The following ARHGAP26 variants were observed in gnomAD, a reference collection of about 807,000 sequenced individuals.
The protein encoded by ARHGAP26 is Rho GTPase activating protein 26.
Under a neutral mutation model 104.8 loss-of-function variants are expected in ARHGAP26, and 38 were observed. That is an observed-to-expected ratio of 0.36 (90% CI 0.28 to 0.48). The LOEUF is 0.48. ARHGAP26 is among the 20% of genes least tolerant of loss of function. ARHGAP26 has a pLI of 0.99. For synonymous variants in ARHGAP26, 341 were observed against 340.0 expected, an observed-to-expected ratio of 1.00 and a Z score of -0.03; for missense variants, 704 against 947.9, an observed-to-expected ratio of 0.74 and a Z score of 3.38.
At chr5:143,015,337 A>G (rs1779438614) in intron 12 of ARHGAP26, among the ~76,000 whole-genome samples, 1 of 152,262 alleles carries the variant, frequency 6.6e-6, no homozygotes, top group South Asian at 2.1e-4. Context: ...GCTGTATGGT[A>G]GCTCATAGTA....
chr5:142,920,856 C>T (rs1046146353), intron 10 of ARHGAP26, among the ~76,000 whole-genome samples: 2 of 152,192 alleles, frequency 1.3e-5, no homozygotes, highest in African/African-American at 4.8e-5. Context: ...GGCCAGAATA[C>T]TGGGGGGAAA....
intron 11 of ARHGAP26, among the ~76,000 whole-genome samples, chr5:142,996,227 C>T (rs746272695): frequency 6.6e-6 from 1 of 152,196 alleles, no homozygotes; most frequent in Non-Finnish European, 1.5e-5. Flanking sequence ...GGTGCAGTGG[C>T]TCACACCTGT....
intron 5 of ARHGAP26, among the ~76,000 whole-genome samples, chr5:142,887,074 C>T (rs1223989417): frequency 2.0e-5 from 3 of 152,320 alleles, no homozygotes; most frequent in Non-Finnish European, 4.4e-5. Context: ...CTAGCACCTA[C>T]TGAATCTGGG....
chr5:143,064,872 A>G (rs1412106946), intron 17 of ARHGAP26, among the ~76,000 whole-genome samples: 2 of 152,202 alleles, frequency 1.3e-5, no homozygotes, highest in South Asian at 2.1e-4. Flanking sequence ...TTCACATCAC[A>G]TGTAACGCCC....
chr5:143,057,868 G>A (rs1386935692), intron 17 of ARHGAP26, 121 bp downstream of exon 17: 3 of 861,944 alleles, frequency 3.5e-6, no homozygotes, highest in African/African-American at 3.3e-5. Context: ...GTATGCTGGA[G>A]GCTTAGGAAA....
intron 18 of ARHGAP26, among the ~76,000 whole-genome samples, chr5:143,132,165 G>A (rs190768684): frequency 2.0e-5 from 3 of 152,132 alleles, no homozygotes; most frequent in Non-Finnish European, 2.9e-5. Context: ...GCTGTGTTTC[G>A]GAGTGAGACT....
At chr5:142,935,326 A>G (rs2152542578) in intron 11 of ARHGAP26, among the ~76,000 whole-genome samples, 1 of 152,304 alleles carries the variant, frequency 6.6e-6, no homozygotes, top group South Asian at 2.1e-4. Context: ...TATTAAAAAC[A>G]TGGGTCAGTA....
intron 11 of ARHGAP26, among the ~76,000 whole-genome samples, chr5:142,994,452 G>GC (rs938531687): frequency 1.3e-5 from 2 of 152,170 alleles, no homozygotes; most frequent in African/African-American, 4.8e-5. Context: ...AAGGGGTGAC[G>GC]CAACCATAAA....
chr5:143,013,488 A>G (rs746477651), intron 11 of ARHGAP26, among the ~76,000 whole-genome samples: 10 of 152,190 alleles, frequency 6.6e-5, no homozygotes, highest in Non-Finnish European at 1.5e-4. Context: ...GAAAATATAT[A>G]TTCTCCTTAT....
intron 18 of ARHGAP26, among the ~76,000 whole-genome samples, chr5:143,127,417 A>G (rs1339812997): frequency 6.6e-6 from 1 of 152,204 alleles, no homozygotes; most frequent in African/African-American, 2.4e-5. Flanking sequence ...ATAAGTTATA[A>G]TAATTCCTTC....
In ARHGAP26 at chr5:142,901,847, C is replaced by G. The variant is rs189060138; in HGVS notation, c.598-88C>G. On this transcript the variant is annotated intron_variant, in intron 6 of 22. Coordinates refer to ENST00000645722, the MANE Select transcript of ARHGAP26 (RefSeq NM_001135608.3). ...ATTATTATTCTTTATTTTAGACTTT[C>G]AAGCCAGTGTTGGGAGCTCAGATAC... The G allele has an allele frequency of 5.0e-4, 517 of 1,040,726 alleles. 5 individuals carry two copies. In the African/African-American group the frequency reaches 7.4e-3, roughly 15 times the overall value. 64.5% of individuals were successfully genotyped at this position (1,040,726 alleles called of 1,614,324 possible). A position where few individuals can be genotyped will look rare whatever the true frequency, so the allele number is the denominator to read the frequency against.
intron 11 of ARHGAP26, among the ~76,000 whole-genome samples, chr5:142,942,153 C>T (rs1766452935): frequency 1.3e-5 from 2 of 152,184 alleles, no homozygotes; most frequent in East Asian, 1.9e-4. Context: ...AATTGAGTTG[C>T]CTTCGTTATC....
At chr5:142,915,202 A>G (rs1393612739) in intron 10 of ARHGAP26, among the ~76,000 whole-genome samples, 1 of 152,040 alleles carries the variant, frequency 6.6e-6, no homozygotes, top group Non-Finnish European at 1.5e-5. Context: ...ACAGCTGTGC[A>G]TGTCCCAATC....
chr5:142,852,954 C>T (rs531495643), intron 1 of ARHGAP26, among the ~76,000 whole-genome samples: 5 of 152,188 alleles, frequency 3.3e-5, no homozygotes, highest in Non-Finnish European at 7.3e-5. Context: ...CTCTCTTTTG[C>T]AGAGGCCTGC....
chr5:143,097,159 C>T lies in ARHGAP26; in HGVS notation c.1539-23829C>T, dbSNP rs564808386. ...TTTGAGACCAGCCTGGCCGACATGG[C>T]GAAACCCCGTCTCTACTAAAAATAC... On this transcript the variant is annotated intron_variant, in intron 17 of 22. Coordinates refer to ENST00000645722, the MANE Select transcript of ARHGAP26 (RefSeq NM_001135608.3). Among the ~76,000 whole-genome samples, 4 of 151,604 alleles carry T rather than the reference C, an allele frequency of 2.6e-5. No individual in the cohort carries two copies. The South Asian group carries it at 6.3e-4, about 24-fold the overall frequency.
intron 21 of ARHGAP26, among the ~76,000 whole-genome samples, chr5:143,212,772 A>G (rs1193312945): frequency 6.6e-6 from 1 of 152,230 alleles, no homozygotes; most frequent in Admixed American, 6.5e-5. Context: ...CTTTGCAGAG[A>G]AAGTTTGCCA....
intron 14 of ARHGAP26, among the ~76,000 whole-genome samples, chr5:143,048,876 G>A (rs1276330386): frequency 6.9e-6 from 1 of 145,774 alleles, no homozygotes; most frequent in African/African-American, 2.5e-5. Flanking sequence ...TCGTGCCATT[G>A]CACTCCAGCC....
intron 19 of ARHGAP26, among the ~76,000 whole-genome samples, chr5:143,139,152 A>G (rs1287905858): frequency 2.0e-5 from 3 of 152,246 alleles, no homozygotes; most frequent in Non-Finnish European, 4.4e-5. Context: ...AAATGGATAC[A>G]TTTGGTAAAG....
At chr5:143,135,518 T>C (rs1240825837) in intron 19 of ARHGAP26, among the ~76,000 whole-genome samples, 1 of 152,210 alleles carries the variant, frequency 6.6e-6, no homozygotes, top group Non-Finnish European at 1.5e-5. Context: ...AAAAAGGTGC[T>C]TATTTAATCC....
Sources: gnomAD v4.1 joint callset for allele counts (sites outside exome capture counted in the v4.1 genomes callset) on GRCh38, gnomAD v4.1.1 for gene constraint, MANE v1.5 for transcripts, NCBI Gene and HGNC (gene_info 2026-07-23, HGNC 2026-07-21) for gene names.